Variants in BDP1 observed in about 807,000 individuals in gnomAD.
BDP1 encodes BDP1 general transcription factor IIIB subunit.
A neutral mutation model predicts 266.6 loss-of-function variants in BDP1; 169 were observed. The observed-to-expected ratio is 0.63, with a 90% confidence interval of 0.56 to 0.72. BDP1 has a LOEUF of 0.72. BDP1 is among the 30% of genes least tolerant of loss of function. The pLI is 0.00. For missense variants in BDP1, 3,015 were observed against 3,053.8 expected (o/e 0.99, Z 0.30); for synonymous variants, 1,090 against 1,022.4 (o/e 1.07, Z -1.26).
intron 4 of BDP1, among the ~76,000 whole-genome samples, chr5:71,465,604 C>G (rs1761854296): frequency 6.6e-6 from 1 of 152,152 alleles, no homozygotes; most frequent in Non-Finnish European, 1.5e-5. Context: ...CTGCTTGGGC[C>G]AGGCACGGTG....
At chr5:71,486,784 T>C (rs1481484433) in intron 9 of BDP1, among the ~76,000 whole-genome samples, 157 bp downstream of exon 9, 1 of 152,200 alleles carries the variant, frequency 6.6e-6, no homozygotes, top group Non-Finnish European at 1.5e-5. Context: ...CAACTAGTTA[T>C]CTGGTCCAAA....
At chr5:71,484,585 TCTAA>T (rs1763146610) in intron 8 of BDP1, among the ~76,000 whole-genome samples, 2 of 152,278 alleles carry the variant, frequency 1.3e-5, no homozygotes, top group South Asian at 4.1e-4. Context: ...TCTTGCAATT[TCTAA>T]CTAAAATCCT....
chr5:71,572,705 A>C (rs768053051), downstream of BDP1, among the ~76,000 whole-genome samples: 20 of 152,214 alleles, frequency 1.3e-4, no homozygotes, highest in Non-Finnish European at 2.9e-5. Context: ...CGCATAACCC[A>C]TGGTTTCCAC....
At position 71,495,266 on chromosome 5, in the gene BDP1, A is replaced by T. The variant is rs1297297924; in HGVS notation, c.1657A>T (p.Thr553Ser). The change falls in exon 12 of 39, where the codon ACA (threonine) becomes TCA (serine). Residue 553 changes from threonine (T) to serine (S), a missense_variant. By Grantham distance (58) the Thr-to-Ser change is moderately conservative. Coordinates refer to ENST00000358731, the MANE Select transcript of BDP1 (RefSeq NM_018429.3). ...TTTTTTTAGTAATCAACAAGATGCC[A>T]CATCAGTAGCAACTGAGTCTTCAGA... ...ILSLSNQQDA[T>S]SVATESSESS... The T allele has an allele frequency of 6.4e-7, 1 of 1,566,008 alleles. No homozygotes were observed. Among genetic ancestry groups the T allele is most frequent in the Admixed American group, 1.8e-5 (1 of 55,924 alleles).
chr5:71,558,383 C>A (rs761544234), intron 36 of BDP1, among the ~76,000 whole-genome samples: 1 of 150,566 alleles, frequency 6.6e-6, no homozygotes. Context: ...ATTAGCCAGG[C>A]GTGGTGGTGG....
intron 28 of BDP1, 103 bp from the exon 29 acceptor site, chr5:71,541,351 A>G (rs1766949836): frequency 1.8e-6 from 1 of 555,848 alleles, no homozygotes; most frequent in East Asian, 3.0e-5. Flanking sequence ...AATGAAGCAA[A>G]CTTTAATAAT....
At chr5:71,557,602 T>C (rs922640335) in intron 36 of BDP1, among the ~76,000 whole-genome samples, 4 of 152,102 alleles carry the variant, frequency 2.6e-5, no homozygotes, top group Admixed American at 1.3e-4. Context: ...GCCAGGATGG[T>C]CTTGATCTCC....
intron 12 of BDP1, among the ~76,000 whole-genome samples, chr5:71,497,036 T>C (rs1290093228): frequency 1.3e-5 from 2 of 152,238 alleles, no homozygotes; most frequent in Non-Finnish European, 2.9e-5. Flanking sequence ...ATTTTAAATT[T>C]GTTTCATTTA....
downstream of BDP1, among the ~76,000 whole-genome samples, chr5:71,572,123 CCTACT>C (rs1744284473): frequency 2.0e-5 from 3 of 152,122 alleles, no homozygotes; most frequent in Admixed American, 2.0e-4. Flanking sequence ...GTCTTGCAAG[CCTACT>C]CTGGACTGAG....
At chr5:71,459,131 A>G (rs1040179042) in intron 2 of BDP1, among the ~76,000 whole-genome samples, 6 of 152,248 alleles carry the variant, frequency 3.9e-5, no homozygotes. Flanking sequence ...ATAGATGCAC[A>G]TACACAAACA....
At chr5:71,535,498 C>T (rs996010991) in intron 26 of BDP1, among the ~76,000 whole-genome samples, 1 of 152,154 alleles carries the variant, frequency 6.6e-6, no homozygotes, top group African/African-American at 2.4e-5. Flanking sequence ...AGCCACCGTG[C>T]CCGGCCTAAA....
At chr5:71,458,430 C>A in intron 1 of BDP1, 149 bp from the exon 2 acceptor site, 1 of 619,482 alleles carries the variant, frequency 1.6e-6, no homozygotes, top group Non-Finnish European at 2.8e-6. Flanking sequence ...TTTTTGTAAC[C>A]TGTCATAATT....
chr5:71,489,074 G>GT (rs1461079766), intron 9 of BDP1, among the ~76,000 whole-genome samples: 3 of 152,190 alleles, frequency 2.0e-5, no homozygotes, highest in Non-Finnish European at 2.9e-5. Flanking sequence ...ATGAAACCCA[G>GT]TGTAAGTCAA....
At chr5:71,468,220 T>C (rs1391008909) in intron 6 of BDP1, among the ~76,000 whole-genome samples, 1 of 152,086 alleles carries the variant, frequency 6.6e-6, no homozygotes, top group East Asian at 1.9e-4. Context: ...GGTTTTATCA[T>C]GTTGGCCAGG....
chr5:71,510,325 C>T lies in BDP1; in HGVS notation c.3233C>T (p.Pro1078Leu). 1.2e-6 allele frequency: 2 copies of T among 1,612,586 alleles called. No homozygotes were observed. The highest frequency in any genetic ancestry group is 1.7e-6 in the Non-Finnish European group (2 of 1,179,764). The change falls in exon 17 of 39, where the codon CCA becomes CTA. Residue 1078 changes from proline (P) to leucine (L), a missense_variant. Pro to Leu is a moderately conservative substitution (Grantham distance 98, BLOSUM62 -3). Transcript: ENST00000358731. ...GACAGTTTCCCAAGGGGGAAGACAC[C>T]AGAGGTGATTGATGCCATTGAGGAA... Reference protein sequence around the residue: ...GRDSFPRGKTPEVIDAIEEIE... With the variant: ...GRDSFPRGKTLEVIDAIEEIE...
At chr5:71,543,686 A>G (rs566909994) in intron 30 of BDP1, among the ~76,000 whole-genome samples, 1 of 152,338 alleles carries the variant, frequency 6.6e-6, no homozygotes, top group Non-Finnish European at 1.5e-5. Flanking sequence ...TTACAAGATG[A>G]AACATCTGTC....
rs374810815 is a variant in BDP1 at position 71,512,248 on chromosome 5, G to A, written c.4067G>A (p.Ser1356Asn). ...AVPSLDIQNI[S>N]SEVLSMMHTP... The stretch of plus-strand genomic sequence containing the variant: ...CTATGACTGTTCCTCTAGAACATTA[G>A]CAGTGAAGTACTGTCGATGATGCAT... Residue 1356 changes from serine to asparagine, a missense_variant, in exon 18 of 39, where the codon AGC (serine) becomes AAC (asparagine). By Grantham distance (46) the Ser-to-Asn change is conservative (BLOSUM62 1). This residue lies in a region of BDP1 where 2,383 missense variants were observed against 2,404.9 expected (regional missense o/e 0.99). Transcript: ENST00000358731. 1.1e-4 allele frequency: 165 copies of A among 1,480,542 alleles called. No individual in the cohort carries two copies. Among genetic ancestry groups the A allele is most frequent in the Non-Finnish European group, 1.4e-4 (151 of 1,116,464 alleles). 91.7% of individuals were successfully genotyped at this position (1,480,542 alleles called of 1,614,324 possible). A position where few individuals can be genotyped will look rare whatever the true frequency, so the allele number is the denominator to read the frequency against.
intron 35 of BDP1, 31 bp from the exon 36 acceptor site, chr5:71,556,855 C>A: frequency 8.9e-7 from 1 of 1,125,046 alleles, no homozygotes; most frequent in Non-Finnish European, 1.2e-6. Context: ...TGATAAATTT[C>A]TAAATTTTTT....
At chr5:71,533,097 C>T (rs999018797) in intron 26 of BDP1, among the ~76,000 whole-genome samples, 1 of 152,166 alleles carries the variant, frequency 6.6e-6, no homozygotes, top group Non-Finnish European at 1.5e-5. Flanking sequence ...TATGTTGCAG[C>T]ATGTAGTGGT....
Sources: allele counts gnomAD v4.1 joint callset (sites outside exome capture counted in the v4.1 genomes callset), GRCh38; gene constraint gnomAD v4.1.1; regional missense constraint gnomAD v4.1.1; transcripts MANE v1.5; gene names NCBI Gene and HGNC (gene_info 2026-07-23, HGNC 2026-07-21).